Variants in SLC38A12 observed in about 807,000 individuals in gnomAD.
The protein encoded by SLC38A12 is solute carrier family 38 member 12.
At chr17:74,787,401 T>C in the SLC38A12 span, among the ~76,000 whole-genome samples, 3 of 150,278 alleles carry the variant, frequency 2.0e-5, no homozygotes, top group African/African-American at 7.4e-5. Context: ...GGCAGGTGGA[T>C]CATGAGGTCA....
At chr17:74,835,860 C>A in the SLC38A12 span, 4 of 1,522,826 alleles carry the variant, frequency 2.6e-6, no homozygotes, top group Non-Finnish European at 3.5e-6. Context: ...AGGCGCCCCC[C>A]AGACCAGAAA....
chr17:74,824,620 C>T, the SLC38A12 span, among the ~76,000 whole-genome samples: 28 of 152,296 alleles, frequency 1.8e-4, no homozygotes, highest in Admixed American at 3.9e-4. Flanking sequence ...TTAACAAAGG[C>T]TGCTCTGGAG....
the SLC38A12 span, among the ~76,000 whole-genome samples, chr17:74,794,534 C>A: frequency 3.9e-5 from 6 of 152,312 alleles, no homozygotes; most frequent in Admixed American, 3.9e-4. Flanking sequence ...TGGATCCCAG[C>A]TTCAGAGAGC....
the SLC38A12 span, among the ~76,000 whole-genome samples, chr17:74,794,415 G>T: frequency 6.6e-6 from 1 of 152,206 alleles, no homozygotes; most frequent in Non-Finnish European, 1.5e-5. Flanking sequence ...AGGAAAGGGG[G>T]CCTGTCTTGA....
the SLC38A12 span, chr17:74,836,000 T>C: frequency 6.2e-7 from 1 of 1,612,044 alleles, no homozygotes; most frequent in Non-Finnish European, 8.5e-7. Flanking sequence ...CGCCCCTGGC[T>C]GACTTCTCGG....
the SLC38A12 span, chr17:74,777,440 C>G: frequency 6.2e-7 from 1 of 1,608,928 alleles, no homozygotes; most frequent in Non-Finnish European, 8.5e-7. Context: ...AAGCACATTG[C>G]TTGCTGGAGA....
At chr17:74,838,639 T>C in the SLC38A12 span, 2 of 1,358,908 alleles carry the variant, frequency 1.5e-6, no homozygotes, top group East Asian at 3.0e-5. Flanking sequence ...CCCTCACCAC[T>C]GCCGTTGTCT....
At chr17:74,779,857 A>G in the SLC38A12 span, among the ~76,000 whole-genome samples, 1 of 152,214 alleles carries the variant, frequency 6.6e-6, no homozygotes, top group Non-Finnish European at 1.5e-5. Context: ...TTTAGCTTGA[A>G]TTATTCTGCC....
the SLC38A12 span, among the ~76,000 whole-genome samples, chr17:74,833,886 C>T: frequency 6.6e-6 from 1 of 152,174 alleles, no homozygotes; most frequent in Non-Finnish European, 1.5e-5. Context: ...CTTATGGTGG[C>T]AGAACAGTCT....
chr17:74,785,907 A>G, the SLC38A12 span, among the ~76,000 whole-genome samples: 1 of 152,234 alleles, frequency 6.6e-6, no homozygotes, highest in Non-Finnish European at 1.5e-5. Flanking sequence ...CCTCCCTGCT[A>G]TTAAATGTAT....
chr17:74,781,793 A>G, the SLC38A12 span, among the ~76,000 whole-genome samples: 3 of 151,590 alleles, frequency 2.0e-5, no homozygotes, highest in African/African-American at 7.3e-5. Flanking sequence ...AAAACATCCA[A>G]CCCCCTGTGC....
At chr17:74,809,117 A>T in the SLC38A12 span, among the ~76,000 whole-genome samples, 1 of 152,194 alleles carries the variant, frequency 6.6e-6, no homozygotes, top group Non-Finnish European at 1.5e-5. Context: ...TCAGGTCCCT[A>T]ACTAAGAAAT....
the SLC38A12 span, among the ~76,000 whole-genome samples, chr17:74,798,006 C>G: frequency 6.6e-6 from 1 of 152,206 alleles, no homozygotes; most frequent in Non-Finnish European, 1.5e-5. Context: ...CACACTGCCT[C>G]TCACCACCAG....
the SLC38A12 span, chr17:74,839,448 C>T: frequency 1.1e-3 from 304 of 269,168 alleles, 1 homozygote; most frequent in African/African-American, 6.3e-3. Context: ...GCAAGGGTGA[C>T]CCATGGTTAA....
the SLC38A12 span, among the ~76,000 whole-genome samples, chr17:74,820,998 G>A: frequency 6.6e-6 from 1 of 152,172 alleles, no homozygotes; most frequent in Non-Finnish European, 1.5e-5. Context: ...AGTTGGAAGG[G>A]GCCACAGCAG....
the SLC38A12 span, chr17:74,795,736 G>T: frequency 3.4e-6 from 3 of 875,898 alleles, no homozygotes; most frequent in East Asian, 7.9e-5. Flanking sequence ...CCAGAGAGGA[G>T]GATCTACTCT....
At chr17:74,786,884 C>G in the SLC38A12 span, among the ~76,000 whole-genome samples, 1 of 152,288 alleles carries the variant, frequency 6.6e-6, no homozygotes, top group Non-Finnish European at 1.5e-5. Context: ...GGACCTTCAG[C>G]ACAGGCAGCC....
At chr17:74,805,062 A>G in the SLC38A12 span, among the ~76,000 whole-genome samples, 1 of 152,250 alleles carries the variant, frequency 6.6e-6, no homozygotes, top group Non-Finnish European at 1.5e-5. This position sits in a 1 kb window ranked among gnomAD's most constrained non-coding sequence, Gnocchi z 5.0. Context: ...GGGCCCAGGA[A>G]TCCGCATTTT....
the SLC38A12 span, among the ~76,000 whole-genome samples, chr17:74,787,246 T>C: frequency 0.61 from 92,757 of 150,948 alleles, 28,984 homozygotes; most frequent in Non-Finnish European, 0.64. Flanking sequence ...GACGTCAGGG[T>C]GAGCAGTCAG....
Sources: allele counts gnomAD v4.1 joint callset (sites outside exome capture counted in the v4.1 genomes callset), GRCh38; gene constraint gnomAD v4.1.1; non-coding constraint Gnocchi (gnomAD v3.1); transcripts MANE v1.5; gene names NCBI Gene and HGNC (gene_info 2026-07-23, HGNC 2026-07-21).